Variants in DDX19A observed in about 807,000 individuals in gnomAD.
The protein encoded by DDX19A is ATP-dependent RNA helicase DDX19A.
DDX19A carries 12 observed loss-of-function variants against 60.6 expected under a neutral mutation model. The ratio of observed to expected loss-of-function variants is 0.20; its 90% CI spans 0.13 to 0.32. The LOEUF is 0.32. DDX19A is among the 10% of genes least tolerant of loss of function. The pLI is 1.00. For missense variants in DDX19A, 337 were observed against 600.6 expected (o/e 0.56, Z 4.59); for synonymous variants, 206 against 218.2 (o/e 0.94, Z 0.49).
intron 5 of DDX19A, chr16:70,364,049 C>T (rs1964448548): frequency 6.5e-6 from 1 of 152,980 alleles, no homozygotes; most frequent in African/African-American, 2.4e-5. Flanking sequence ...TTAATGACAA[C>T]CATGCCACCT....
intron 4 of DDX19A, 89 bp from the exon 5 acceptor site, chr16:70,361,329 A>C (rs1964358841): frequency 9.9e-7 from 1 of 1,006,536 alleles, no homozygotes; most frequent in Non-Finnish European, 1.6e-6. Flanking sequence ...AGGAGGCATC[A>C]TTCCTTTCTA....
At chr16:70,350,644 T>C (rs773865891) in intron 2 of DDX19A, 39 bp downstream of exon 2, 5 of 1,494,590 alleles carry the variant, frequency 3.3e-6, no homozygotes, top group Non-Finnish European at 4.6e-6. Flanking sequence ...AAGAGTTCCA[T>C]GTGGGCCGCT....
intron 9 of DDX19A, among the ~76,000 whole-genome samples, chr16:70,369,453 C>T (rs1368907832): frequency 6.6e-6 from 1 of 152,048 alleles, no homozygotes; most frequent in Admixed American, 6.6e-5. Flanking sequence ...GCTGGGATTA[C>T]AGGCATGAGC....
intron 10 of DDX19A, 158 bp downstream of exon 10, chr16:70,370,543 T>C: frequency 8.0e-7 from 1 of 1,245,990 alleles, no homozygotes; most frequent in Non-Finnish European, 1.1e-6. Context: ...TGGATTTCCC[T>C]GAGGTGGTAA....
intron 10 of DDX19A, 67 bp from the exon 11 acceptor site, chr16:70,371,305 C>G: frequency 6.2e-7 from 1 of 1,613,986 alleles, no homozygotes; most frequent in South Asian, 1.1e-5. Flanking sequence ...ATTGACCTAC[C>G]TATGGATGAC....
At chr16:70,357,366 G>GTTTTTTTTTGTTTTTTTTTTTTT (rs1964237650) in intron 4 of DDX19A, among the ~76,000 whole-genome samples, 1 of 44,596 alleles carries the variant, frequency 2.2e-5, no homozygotes, top group African/African-American at 8.9e-5. Flanking sequence ...TTTTTGGTTT[G>GTTTTTTTTTGTTTTTTTTTTTTT]TTTTTTTTTT....
At position 70,356,437 on chromosome 16, in the gene DDX19A, G is replaced by A. The variant is rs183995426; in HGVS notation, c.293+190G>A. Among the ~76,000 whole-genome samples, 1,091 of 151,816 alleles carry A rather than the reference G, an allele frequency of 7.2e-3. 14 individuals are homozygous for A. Among genetic ancestry groups the A allele is most frequent in the African/African-American group, 0.025 (1,020 of 41,394 alleles). On this transcript the variant is annotated intron_variant, in intron 4 of 11. Coordinates refer to ENST00000302243, the MANE Select transcript of DDX19A (RefSeq NM_018332.5). ...AATGGCGTGATCTCAGCTCACTGCA[G>A]CCTCTGCCTCCCGGGTTCAAGCGAT...
At chr16:70,348,350 G>A (rs1963905236) in intron 1 of DDX19A, among the ~76,000 whole-genome samples, 1 of 152,028 alleles carries the variant, frequency 6.6e-6, no homozygotes, top group African/African-American at 2.4e-5. Context: ...AGGCAGCCGG[G>A]CATGATGGCA....
intron 8 of DDX19A, 117 bp downstream of exon 8, chr16:70,366,379 C>G: frequency 6.8e-7 from 1 of 1,464,402 alleles, no homozygotes; most frequent in Non-Finnish European, 9.3e-7. Flanking sequence ...CTCTCAGCAG[C>G]ATTTGTTTGA....
intron 9 of DDX19A, among the ~76,000 whole-genome samples, chr16:70,367,286 G>A (rs768902588): frequency 2.5e-4 from 38 of 151,920 alleles, no homozygotes; most frequent in African/African-American, 8.2e-4. Context: ...AAATTAGCGC[G>A]GCGTGGTGGC....
chr16:70,356,282 C>T, intron 4 of DDX19A, 35 bp downstream of exon 4: 1 of 1,611,810 alleles, frequency 6.2e-7, no homozygotes, highest in Non-Finnish European at 8.5e-7. Context: ...CTCTTCGTTG[C>T]CAGTCTCTCC....
chr16:70,361,423 C>G lies in DDX19A; in HGVS notation c.299C>G (p.Pro100Arg), dbSNP rs571327615. 2 of 1,613,328 alleles carry G rather than the reference C, an allele frequency of 1.2e-6. No homozygotes were observed. Among genetic ancestry groups the G allele is most frequent in the African/African-American group, 1.3e-5 (1 of 75,048 alleles). The change falls in exon 5 of 12, where the codon CCA becomes CGA. Residue 100 changes from proline to arginine, a missense_variant. Physicochemically the swap from Pro to Arg is moderately radical, Grantham distance 103. This residue lies in a region of DDX19A where 127 missense variants were observed against 160.3 expected (regional missense o/e 0.79). Transcript: ENST00000302243. ...VKSFEELRLK[P>R]QLLQGVYAMG... Reference sequence around the variant, plus strand: ...CTGTCTTCCTGGCTTCCTAGGAAACCACAGCTTCTCCAGGGAGTCTATGCC... The same window carrying G: ...CTGTCTTCCTGGCTTCCTAGGAAACGACAGCTTCTCCAGGGAGTCTATGCC...
At position 70,350,612 on chromosome 16, in the gene DDX19A, C is replaced by A; in HGVS notation, c.106+7C>A. 6.2e-7 allele frequency: 1 copy of A among 1,607,914 alleles called. No individual in the cohort carries two copies. The highest frequency in any genetic ancestry group is 1.1e-5 in the South Asian group (1 of 90,464). On this transcript the variant is annotated splice_region_variant and intron_variant, in intron 2 of 11. Coordinates refer to ENST00000302243, the MANE Select transcript of DDX19A (RefSeq NM_018332.5). Reference sequence around the variant, plus strand: ...GTCAAAGCAGATACCAATGGTGAGTCACTAGTAACTACAAGCTAGAAAAGA... The same window carrying A: ...GTCAAAGCAGATACCAATGGTGAGTAACTAGTAACTACAAGCTAGAAAAGA...
intron 4 of DDX19A, among the ~76,000 whole-genome samples, chr16:70,361,193 G>T (rs944088367): frequency 6.6e-6 from 1 of 152,194 alleles, no homozygotes; most frequent in East Asian, 1.9e-4. Context: ...AAACCATTCT[G>T]TATTTTATGA....
Position 70,365,037 on chromosome 16 carries a change from A to T in DDX19A, c.510A>T (p.Thr170=). The T allele has an allele frequency of 6.2e-7, 1 of 1,614,146 alleles. No individual in the cohort carries two copies. Among genetic ancestry groups the T allele is most frequent in the Non-Finnish European group, 8.5e-7 (1 of 1,180,002 alleles). The part of the protein sequence containing the change: ...RYPQCLCLSP[T]YELALQTGKV... ...GTCAGTGTCTGTGCCTCTCCCCAAC[A>T]TATGAGCTGGCGCTTCAAACAGGAA... is the stretch of plus-strand genomic sequence containing the variant. Residue 170 remains threonine, a synonymous_variant, in exon 7 of 12, where the codon ACA becomes ACT. Coordinates refer to ENST00000302243, the MANE Select transcript of DDX19A (RefSeq NM_018332.5).
chr16:70,350,503 C>T (rs1963977888), intron 1 of DDX19A, 54 bp from the exon 2 acceptor site: 5 of 1,401,882 alleles, frequency 3.6e-6, no homozygotes, highest in Non-Finnish European at 4.9e-6. Flanking sequence ...TTCTTAGGGA[C>T]CTTCCTTTTA....
rs756163761 is a variant in DDX19A, at chr16:70,366,104, C to G, written c.624C>G (p.Ile208Met). Residue 208 changes from isoleucine to methionine, a missense_variant, in exon 8 of 12, where the codon ATC (isoleucine) becomes ATG (methionine). Ile to Met is a conservative substitution (Grantham distance 10). Around this residue, in one of 6 missense-constraint regions of DDX19A, gnomAD observed 62 missense variants for 75.7 expected, o/e 0.82. Transcript: ENST00000302243. The stretch of plus-strand genomic sequence containing the variant: ...CCACAGTGGAAAGAGGCCAGAAGAT[C>G]AGTGAGCAGATTGTCATTGGCACCC... ...RGNKLERGQK[I>M]SEQIVIGTPG... 1.1e-5 allele frequency: 17 copies of G among 1,614,194 alleles called. No homozygotes were observed. Among genetic ancestry groups the G allele is most frequent in the South Asian group, 1.1e-5 (1 of 91,080 alleles).
intron 4 of DDX19A, chr16:70,356,785 T>A: frequency 1.1e-6 from 1 of 937,042 alleles, no homozygotes; most frequent in Admixed American, 3.4e-5. Flanking sequence ...TTGGTAGGAA[T>A]TTTTTAATGC....
chr16:70,371,271 C>G, intron 10 of DDX19A, 101 bp from the exon 11 acceptor site: 3 of 1,605,060 alleles, frequency 1.9e-6, no homozygotes, highest in Non-Finnish European at 2.6e-6. Context: ...CAAATTCTTT[C>G]CCTCTATCCC....
Sources: gnomAD v4.1 joint callset for allele counts (sites outside exome capture counted in the v4.1 genomes callset) on GRCh38, gnomAD v4.1.1 for gene constraint, gnomAD v4.1.1 regional missense constraint, MANE v1.5 for transcripts, NCBI Gene and HGNC (gene_info 2026-07-23, HGNC 2026-07-21) for gene names.